HERC3: variants seen among roughly 807,000 people sequenced by gnomAD.
HERC3 encodes probable E3 ubiquitin-protein ligase HERC3.
A neutral mutation model predicts 129.9 loss-of-function variants in HERC3; 58 were observed. The observed-to-expected ratio is 0.45, with a 90% confidence interval of 0.36 to 0.56. The LOEUF (loss-of-function observed/expected upper bound fraction) is 0.56. Among genes scored for constraint, HERC3 ranks in the 20% least tolerant of loss-of-function variants. The pLI is 0.00. For synonymous variants in HERC3, 430 were observed against 451.0 expected (o/e 0.95, Z 0.59); for missense variants, 835 against 1,244.2 (o/e 0.67, Z 4.95).
chr4:88,690,574 G>T, intron 23 of HERC3: 5 of 984,854 alleles, frequency 5.1e-6, no homozygotes, highest in Non-Finnish European at 6.0e-6. Context: ...AGTCATCATA[G>T]TGCTCTGTGA....
chr4:88,704,863 C>CTTTTTTTTTTTTTT (rs1165694315), intron 25 of HERC3, among the ~76,000 whole-genome samples: 23 of 130,662 alleles, frequency 1.8e-4, no homozygotes, highest in African/African-American at 5.7e-4. Context: ...TTCTTTCTTT[C>CTTTTTTTTTTTTTT]TTTTTTTTTT....
At chr4:88,650,882 G>A (rs1393922473) in intron 4 of HERC3, among the ~76,000 whole-genome samples, 3 of 151,982 alleles carry the variant, frequency 2.0e-5, no homozygotes, top group East Asian at 1.9e-4. Flanking sequence ...CCTAATTATC[G>A]TCCCCTTTAA....
the HERC3 span, among the ~76,000 whole-genome samples, chr4:88,554,796 C>T: frequency 6.6e-6 from 1 of 151,996 alleles, no homozygotes; most frequent in Non-Finnish European, 1.5e-5. Context: ...GGGCTTTTGT[C>T]CTATTTATTG....
chr4:88,686,938 T>C, intron 22 of HERC3, 136 bp downstream of exon 22: 1 of 714,176 alleles, frequency 1.4e-6, no homozygotes. Context: ...TTAGTCATAG[T>C]GTCTTGAGTG....
intron 3 of HERC3, among the ~76,000 whole-genome samples, chr4:88,634,005 A>T (rs1223221525): frequency 6.6e-6 from 1 of 152,208 alleles, no homozygotes; most frequent in Non-Finnish European, 1.5e-5. Context: ...ACAGTGTATT[A>T]ATCTTGCACC....
chr4:88,651,964 G>T (rs773231730), intron 4 of HERC3, 48 bp from the exon 5 acceptor site: 2 of 1,187,790 alleles, frequency 1.7e-6, no homozygotes, highest in South Asian at 2.5e-5. Context: ...TGATAATTGT[G>T]TTTGTGTGTG....
chr4:88,530,295 GAAAA>G, the HERC3 span, among the ~76,000 whole-genome samples: 6 of 127,874 alleles, frequency 4.7e-5, no homozygotes, highest in Non-Finnish European at 1.0e-4. Context: ...GTCTCCAAAA[GAAAA>G]AAAAAAAAGC....
intron 23 of HERC3, among the ~76,000 whole-genome samples, chr4:88,691,228 C>T (rs1034702086): frequency 5.9e-5 from 9 of 152,192 alleles, no homozygotes; most frequent in African/African-American, 9.7e-5. Flanking sequence ...ATTTAGATTT[C>T]GGTTTTTCAG....
chr4:88,663,000 G>GA (rs74872768), intron 11 of HERC3, among the ~76,000 whole-genome samples: 1,660 of 126,940 alleles, frequency 0.013, 13 homozygotes, highest in African/African-American at 0.032. Context: ...GAGTCATGTA[G>GA]AAAAAAAAAA....
the HERC3 span, among the ~76,000 whole-genome samples, chr4:88,576,966 G>A: frequency 6.6e-6 from 1 of 152,086 alleles, no homozygotes; most frequent in Non-Finnish European, 1.5e-5. Context: ...GCTATATGGT[G>A]TAAGGGAGGA....
At chr4:88,643,955 A>G (rs746019300) in intron 3 of HERC3, among the ~76,000 whole-genome samples, 1 of 152,244 alleles carries the variant, frequency 6.6e-6, no homozygotes, top group Non-Finnish European at 1.5e-5. Context: ...TAAAAATTTA[A>G]TTTTAAAAAT....
intron 3 of HERC3, among the ~76,000 whole-genome samples, chr4:88,607,750 C>T (rs887985470): frequency 4.6e-5 from 7 of 152,130 alleles, no homozygotes; most frequent in African/African-American, 1.2e-4. Flanking sequence ...ATTACAGGTG[C>T]GAACCACTGT....
At chr4:88,581,029 A>C in the HERC3 span, among the ~76,000 whole-genome samples, 1 of 152,246 alleles carries the variant, frequency 6.6e-6, no homozygotes, top group East Asian at 1.9e-4. Context: ...AAGAAAGTTA[A>C]GTATGGTGCT....
At chr4:88,524,325 G>A in the HERC3 span, among the ~76,000 whole-genome samples, 2 of 152,222 alleles carry the variant, frequency 1.3e-5, no homozygotes, top group African/African-American at 2.4e-5. Context: ...AAGTATTTGC[G>A]TAATAAAGCA....
chr4:88,662,411 T>G lies in HERC3; in HGVS notation c.1147-20T>G. ...ATGCTACATAATTTCTTCTTTTTAC[T>G]GTTACATTTAATTCTCCAGAATTAT... is the stretch of plus-strand genomic sequence containing the variant. On this transcript the variant is annotated intron_variant, in intron 10 of 25. Transcript: ENST00000402738. 1 of 1,594,414 alleles carries G rather than the reference T, an allele frequency of 6.3e-7. No homozygotes were observed. The highest frequency in any genetic ancestry group is 2.2e-5 in the East Asian group (1 of 44,742).
At chr4:88,623,916 C>T (rs1460667465) in intron 3 of HERC3, among the ~76,000 whole-genome samples, 1 of 152,098 alleles carries the variant, frequency 6.6e-6, no homozygotes, top group African/African-American at 2.4e-5. Context: ...TTTCCATCAC[C>T]CCCAAAACTT....
the HERC3 span, among the ~76,000 whole-genome samples, chr4:88,557,207 C>T: frequency 1.1e-4 from 16 of 152,196 alleles, no homozygotes; most frequent in Non-Finnish European, 1.9e-4. Context: ...ATCATAATGA[C>T]TTCCCTATTG....
At chr4:88,658,939 G>A (rs1019780301) in intron 10 of HERC3, among the ~76,000 whole-genome samples, 1 of 152,156 alleles carries the variant, frequency 6.6e-6, no homozygotes, top group Non-Finnish European at 1.5e-5. Context: ...TTTATTATTT[G>A]TAATCTGCTT....
intron 16 of HERC3, 75 bp downstream of exon 16, chr4:88,670,327 C>T: frequency 1.0e-6 from 1 of 962,124 alleles, no homozygotes; most frequent in Non-Finnish European, 1.6e-6. Flanking sequence ...TATAATATGT[C>T]TTTGACTTTG....
Sources: allele counts gnomAD v4.1 joint callset (sites outside exome capture counted in the v4.1 genomes callset), GRCh38; gene constraint gnomAD v4.1.1; transcripts MANE v1.5; gene names NCBI Gene and HGNC (gene_info 2026-07-23, HGNC 2026-07-21).